CKMT2: variants seen among roughly 807,000 people sequenced by gnomAD.
CKMT2 encodes the protein creatine kinase S-type, mitochondrial.
CKMT2 carries 43 observed loss-of-function variants against 48.9 expected under a neutral mutation model. The observed-to-expected ratio is 0.88, with a 90% confidence interval of 0.69 to 1.13. CKMT2 has a LOEUF of 1.13. CKMT2 is among the 50% of genes most tolerant of loss of function. The pLI, the probability that CKMT2 is intolerant of heterozygous loss-of-function variation, is 0.00. For missense variants in CKMT2, 472 were observed against 555.4 expected (o/e 0.85, Z 1.51); for synonymous variants, 206 against 213.0 (o/e 0.97, Z 0.29).
intron 1 of CKMT2, chr5:81,235,794 A>G (rs1188911659): frequency 2.0e-5 from 3 of 152,238 alleles, no homozygotes; most frequent in Non-Finnish European, 4.4e-5. Flanking sequence ...AGGGCAGTGT[A>G]GGAACAAACA....
chr5:81,234,342 T>C (rs1484319426), intron 1 of CKMT2, among the ~76,000 whole-genome samples: 2 of 152,150 alleles, frequency 1.3e-5, no homozygotes, highest in African/African-American at 4.8e-5. Context: ...AGGACAAGGT[T>C]ACGCTAGGTA....
intron 8 of CKMT2, among the ~76,000 whole-genome samples, chr5:81,260,290 T>TAACA (rs1757169210): frequency 2.6e-5 from 4 of 152,026 alleles, no homozygotes; most frequent in Admixed American, 6.5e-5. Flanking sequence ...ATCGACACCC[T>TAACA]AACATCACAA....
chr5:81,266,376 A>C lies in CKMT2; in HGVS notation c.*118A>C. On this transcript the variant is annotated 3_prime_UTR_variant, in exon 10 of 10. Coordinates refer to ENST00000254035, the MANE Select transcript of CKMT2 (RefSeq NM_001099735.2). ...AAAATTGTAGATCCTGCCTATCTTT[A>C]CAATAAAACTCTCCTTAATATATCT... 1 of 927,030 alleles carries C rather than the reference A, an allele frequency of 1.1e-6. No individual in the cohort carries two copies. The highest frequency in any genetic ancestry group is 1.6e-6 in the Non-Finnish European group (1 of 622,094). 57.4% of individuals were successfully genotyped at this position (927,030 alleles called of 1,614,324 possible).
At chr5:81,261,060 A>G (rs1757205601) in intron 8 of CKMT2, among the ~76,000 whole-genome samples, 1 of 152,246 alleles carries the variant, frequency 6.6e-6, no homozygotes, top group African/African-American at 2.4e-5. Context: ...GGCTGGTTCA[A>G]CGTACACAAA....
chr5:81,251,046 T>A, intron 1 of CKMT2, 67 bp from the exon 2 acceptor site: 1 of 1,238,548 alleles, frequency 8.1e-7, no homozygotes, highest in Middle Eastern at 2.1e-4. Context: ...CTCTTGCCCA[T>A]TGACCCCTAT....
intron 1 of CKMT2, among the ~76,000 whole-genome samples, chr5:81,243,395 G>T (rs1230516931): frequency 1.3e-5 from 2 of 152,076 alleles, no homozygotes; most frequent in Non-Finnish European, 2.9e-5. Flanking sequence ...AAACGGTAGG[G>T]GGTGATAAGA....
chr5:81,235,434 C>T (rs1019125667), intron 1 of CKMT2, among the ~76,000 whole-genome samples: 17 of 152,190 alleles, frequency 1.1e-4, no homozygotes, highest in African/African-American at 4.1e-4. Flanking sequence ...TGGGGTGGCT[C>T]TCTGGATGGA....
At chr5:81,261,243 A>G (rs543132634) in intron 8 of CKMT2, among the ~76,000 whole-genome samples, 4 of 152,222 alleles carry the variant, frequency 2.6e-5, no homozygotes, top group Non-Finnish European at 5.9e-5. Context: ...ATTTATGACA[A>G]ACCCACAGCC....
At chr5:81,244,439 T>C (rs757369049) in intron 1 of CKMT2, among the ~76,000 whole-genome samples, 2 of 152,164 alleles carry the variant, frequency 1.3e-5, no homozygotes, top group Non-Finnish European at 2.9e-5. Flanking sequence ...CAGACGCAGA[T>C]GTCATCTGCC....
intron 3 of CKMT2, among the ~76,000 whole-genome samples, chr5:81,253,944 A>T (rs1756909004): frequency 6.6e-6 from 1 of 152,246 alleles, no homozygotes; most frequent in Non-Finnish European, 1.5e-5. Context: ...CAGGTTTTCA[A>T]CAAATTTCAT....
rs75970007 is a variant in CKMT2 at position 81,251,267 on chromosome 5, T to C, written c.135T>C (p.Pro45=). ...QKVCAEVREQ[P]RLFPPSADYP... The stretch of plus-strand genomic sequence containing the variant: ...TGTGTGCCGAGGTCCGGGAGCAGCC[T>C]AGGCTATTTCCTCCAAGGTAAGGGC... The change falls in exon 2 of 10, where the codon CCT becomes CCC. Residue 45 remains proline (P), a synonymous_variant. Transcript: ENST00000254035. 2.1e-3 allele frequency: 3,416 copies of C among 1,614,044 alleles called. 53 individuals carry two copies. In the African/African-American group the frequency reaches 0.039, roughly 19 times the overall value.
Position 81,266,248 on chromosome 5 carries a change from G to A in CKMT2, c.1250G>A (p.Gly417Asp). 1.2e-6 allele frequency: 2 copies of A among 1,612,532 alleles called. No individual in the cohort carries two copies. Among genetic ancestry groups the A allele is most frequent in the South Asian group, 1.1e-5 (1 of 90,982 alleles). The change falls in exon 10 of 10, where the codon GGC (glycine) becomes GAC (aspartate). Residue 417 changes from glycine (G) to aspartate (D), a missense_variant. Transcript: ENST00000254035. ...GTGCCACCCCCTCTGCCTCAGTTTG[G>A]CAAAAAGTAAACTTTCCCTTTCCCA... ...IKVPPPLPQFGKK is the reference protein window; with the variant it reads ...IKVPPPLPQFDKK
chr5:81,263,129 AAC>A (rs1231922829), intron 8 of CKMT2, among the ~76,000 whole-genome samples: 1 of 151,040 alleles, frequency 6.6e-6, no homozygotes, highest in South Asian at 2.1e-4. Context: ...GAACAATGAG[AAC>A]ACATGGACAC....
chr5:81,251,970 G>A (rs1756831490), intron 2 of CKMT2: 1 of 153,246 alleles, frequency 6.5e-6, no homozygotes, highest in African/African-American at 2.4e-5. Context: ...ACAGCGAAAT[G>A]CAAATCCAGG....
chr5:81,236,942 G>C (rs1016195923), intron 1 of CKMT2, among the ~76,000 whole-genome samples: 1 of 152,184 alleles, frequency 6.6e-6, no homozygotes, highest in Non-Finnish European at 1.5e-5. Flanking sequence ...TTGAGGTCAG[G>C]AGTTCGAGAC....
Position 81,259,151 on chromosome 5 carries a change from AGTTCAT to A in CKMT2, c.914_919del (p.Phe305_Met306del). 6.2e-7 allele frequency: 1 copy of A among 1,613,802 alleles called. No individual in the cohort carries two copies. Among genetic ancestry groups the A allele is most frequent in the Non-Finnish European group, 8.5e-7 (1 of 1,179,834 alleles). ...CGGTTAATCCAAGAACGAGGCTGGG[AGTTCAT>A]GTGGAATGAGCGCCTAGGATACATT... is the stretch of plus-strand genomic sequence containing the variant. On this transcript the variant is annotated inframe_deletion, in exon 8 of 10. Transcript: ENST00000254035.
chr5:81,255,309 C>G (rs917863966), intron 5 of CKMT2, 95 bp downstream of exon 5: 1 of 1,138,042 alleles, frequency 8.8e-7, no homozygotes, highest in African/African-American at 1.6e-5. Context: ...AGTCCTTACC[C>G]TAGCTGGGAG....
chr5:81,250,978 C>G lies in CKMT2; in HGVS notation c.-20-135C>G, dbSNP rs907150870. The G allele has an allele frequency of 4.3e-4, 280 of 646,492 alleles. 1 individual carries two copies. Among genetic ancestry groups the G allele is most frequent in the Middle Eastern group, 1.7e-3 (4 of 2,312 alleles). The allele number at this position is 646,492 out of a possible 1,614,324, so 40.0% of individuals were successfully genotyped here. On this transcript the variant is annotated intron_variant, in intron 1 of 9. Coordinates refer to ENST00000254035, the MANE Select transcript of CKMT2 (RefSeq NM_001099735.2). ...ACACACACACACACACACACACACA[C>G]AGAAAGAGAGAGAGAGAGACAGAGA...
At chr5:81,239,122 C>G (rs1030254952) in intron 1 of CKMT2, 3 of 152,244 alleles carry the variant, frequency 2.0e-5, no homozygotes, top group African/African-American at 7.2e-5. Context: ...GTTGGCCTTG[C>G]CCATGTTCAA....
Sources: allele counts gnomAD v4.1 joint callset (sites outside exome capture counted in the v4.1 genomes callset), GRCh38; gene constraint gnomAD v4.1.1; transcripts MANE v1.5; gene names NCBI Gene and HGNC (gene_info 2026-07-23, HGNC 2026-07-21).